Variants in DOCK1 observed in about 807,000 individuals in gnomAD.
DOCK1 encodes dedicator of cytokinesis 1, also known as dedicator of cytokinesis protein 1.
A neutral mutation model predicts 262.7 loss-of-function variants in DOCK1; 138 were observed. The ratio of observed to expected loss-of-function variants is 0.53; its 90% CI spans 0.46 to 0.61. The LOEUF (loss-of-function observed/expected upper bound fraction) is 0.61. Ranked by LOEUF, DOCK1 falls within the 20% of genes least tolerant of loss-of-function variation. The pLI is 0.00. For synonymous variants in DOCK1, 866 were observed against 867.4 expected, an observed-to-expected ratio of 1.00 and a Z score of 0.03; for missense variants, 1,908 against 2,370.7, an observed-to-expected ratio of 0.80 and a Z score of 4.05.
At chr10:126,969,996 A>AT (rs1005439848) in intron 1 of DOCK1, among the ~76,000 whole-genome samples, 1 of 152,064 alleles carries the variant, frequency 6.6e-6, no homozygotes, top group African/African-American at 2.4e-5. Context: ...ATTAATATAT[A>AT]TTTTTTTAAA....
intron 1 of DOCK1, among the ~76,000 whole-genome samples, chr10:126,931,308 A>G (rs1024147389): frequency 2.6e-5 from 4 of 152,270 alleles, no homozygotes; most frequent in Middle Eastern, 3.4e-3. Context: ...ATACCATTCC[A>G]GGCTGTCCTG....
chr10:127,272,867 C>T (rs2060618801), intron 29 of DOCK1, among the ~76,000 whole-genome samples: 1 of 152,124 alleles, frequency 6.6e-6, no homozygotes, highest in Non-Finnish European at 1.5e-5. Context: ...TTTTTAAAAC[C>T]CTCAGATCTT....
At chr10:126,933,874 G>C (rs1022823256) in intron 1 of DOCK1, among the ~76,000 whole-genome samples, 15 of 152,090 alleles carry the variant, frequency 9.9e-5, no homozygotes, top group African/African-American at 3.1e-4. Flanking sequence ...GAGTTCAATG[G>C]TGTGATCTCC....
chr10:127,301,669 C>T (rs1296380999), intron 29 of DOCK1, among the ~76,000 whole-genome samples: 3 of 151,998 alleles, frequency 2.0e-5, no homozygotes, highest in East Asian at 1.9e-4. Flanking sequence ...CTTTTGGCTG[C>T]GCGCTGTGGC....
chr10:127,252,301 A>T (rs531674039), intron 28 of DOCK1, among the ~76,000 whole-genome samples: 8 of 150,932 alleles, frequency 5.3e-5, no homozygotes, highest in African/African-American at 1.9e-4. Flanking sequence ...TTGTCAGATG[A>T]GTAGGTTGCA....
At chr10:127,154,755 C>T (rs554194267) in intron 27 of DOCK1, among the ~76,000 whole-genome samples, 2 of 152,120 alleles carry the variant, frequency 1.3e-5, no homozygotes, top group Non-Finnish European at 2.9e-5. Flanking sequence ...TGCTAATTCT[C>T]CCCCCTAATT....
intron 29 of DOCK1, among the ~76,000 whole-genome samples, chr10:127,289,655 A>G (rs2061282652): frequency 6.6e-6 from 1 of 152,212 alleles, no homozygotes; most frequent in Admixed American, 6.5e-5. Context: ...TTGAAAATTT[A>G]TCACATGAGA....
At chr10:127,445,701 C>G (rs1045505131) in intron 50 of DOCK1, among the ~76,000 whole-genome samples, 2 of 152,198 alleles carry the variant, frequency 1.3e-5, no homozygotes, top group Non-Finnish European at 2.9e-5. Context: ...CAAACAGATA[C>G]TTAATATTCA....
chr10:126,992,138 C>T (rs1163320409), intron 6 of DOCK1, among the ~76,000 whole-genome samples: 2 of 150,822 alleles, frequency 1.3e-5, no homozygotes, highest in African/African-American at 4.9e-5. Flanking sequence ...ATTTTTTTTT[C>T]CAGAAAGCCT....
intron 25 of DOCK1, among the ~76,000 whole-genome samples, chr10:127,119,756 G>C (rs1041974663): frequency 6.6e-6 from 1 of 152,134 alleles, no homozygotes; most frequent in Non-Finnish European, 1.5e-5. Context: ...AAATTAAGAA[G>C]TACATTACTC....
Position 127,083,131 on chromosome 10 carries a change from A to G in DOCK1, c.2445+21355A>G, listed in dbSNP as rs556852412. ...AACACATAGAGGAGGCATGTTGGCA[A>G]ATGTCATTTGCAGATCTGTCTTCTC... On this transcript the variant is annotated intron_variant, in intron 23 of 51. Transcript: ENST00000623213. Among the ~76,000 whole-genome samples the G allele has an allele frequency of 2.6e-5, 4 of 152,322 alleles. No homozygotes were observed. The South Asian group carries it at 6.2e-4, about 24-fold the overall frequency.
intron 1 of DOCK1, among the ~76,000 whole-genome samples, chr10:126,951,463 AGTG>A (rs1192005295): frequency 3.4e-5 from 5 of 147,020 alleles, no homozygotes; most frequent in East Asian, 2.0e-4. Flanking sequence ...TATTGGTAGT[AGTG>A]GTAGTATTCG....
chr10:127,391,977 G>A (rs1472844200), intron 38 of DOCK1, among the ~76,000 whole-genome samples: 1 of 130,888 alleles, frequency 7.6e-6, no homozygotes, highest in African/African-American at 2.8e-5. Flanking sequence ...CCTGGCATGA[G>A]GCCCCTTAGA....
chr10:127,009,092 C>T (rs964167307), intron 11 of DOCK1, among the ~76,000 whole-genome samples: 21 of 152,182 alleles, frequency 1.4e-4, no homozygotes, highest in African/African-American at 4.3e-4. Context: ...CTGAATGTTT[C>T]TTTACATAAT....
chr10:127,392,431 A>G (rs1298720827), intron 38 of DOCK1, among the ~76,000 whole-genome samples: 2 of 151,580 alleles, frequency 1.3e-5, no homozygotes, highest in East Asian at 3.9e-4. Context: ...CCTGGGCTCC[A>G]CTCCATTTTT....
chr10:127,104,089 C>T (rs1443617181), intron 23 of DOCK1, among the ~76,000 whole-genome samples: 1 of 152,188 alleles, frequency 6.6e-6, no homozygotes, highest in Non-Finnish European at 1.5e-5. Flanking sequence ...ATTGCCTCTT[C>T]ATCTCTTTTG....
intron 23 of DOCK1, among the ~76,000 whole-genome samples, chr10:127,066,598 A>C (rs1440952803): frequency 6.6e-6 from 1 of 152,170 alleles, no homozygotes; most frequent in Non-Finnish European, 1.5e-5. Flanking sequence ...AAGTAGAACC[A>C]GTGCGTTCCC....
chr10:127,072,010 A>C (rs1025248581), intron 23 of DOCK1, among the ~76,000 whole-genome samples: 1 of 152,150 alleles, frequency 6.6e-6, no homozygotes, highest in African/African-American at 2.4e-5. Context: ...AGGAACCTGA[A>C]CTTATTTTCT....
chr10:126,953,265 G>T (rs907579309), intron 1 of DOCK1, among the ~76,000 whole-genome samples: 1 of 151,634 alleles, frequency 6.6e-6, no homozygotes, highest in African/African-American at 2.4e-5. Flanking sequence ...GGTGATGGTG[G>T]TGGTGGTAGT....
Sources: allele counts gnomAD v4.1 joint callset (sites outside exome capture counted in the v4.1 genomes callset), GRCh38; gene constraint gnomAD v4.1.1; transcripts MANE v1.5; gene names NCBI Gene and HGNC (gene_info 2026-07-23, HGNC 2026-07-21).